Variants in ANK2 observed in about 807,000 individuals in gnomAD.
The protein encoded by ANK2 is ankyrin 2.
A neutral mutation model predicts 360.5 loss-of-function variants in ANK2; 83 were observed. The ratio of observed to expected loss-of-function variants is 0.23; its 90% CI spans 0.19 to 0.28. The LOEUF (loss-of-function observed/expected upper bound fraction) is 0.28. Ranked by LOEUF, ANK2 falls within the 10% of genes least tolerant of loss-of-function variation. The pLI is 1.00. For synonymous variants in ANK2, 1,740 were observed against 1,759.5 expected (o/e 0.99, Z 0.28); for missense variants, 4,201 against 4,795.7 (o/e 0.88, Z 3.66).
the ANK2 span, among the ~76,000 whole-genome samples, chr4:112,781,420 T>G: frequency 6.6e-6 from 1 of 152,148 alleles, no homozygotes; most frequent in Non-Finnish European, 1.5e-5. Context: ...CTTTCCTTAT[T>G]GAATTTCTGA....
At chr4:113,306,851 A>T (rs956488504) in intron 23 of ANK2, among the ~76,000 whole-genome samples, 22 of 152,352 alleles carry the variant, frequency 1.4e-4, no homozygotes, top group South Asian at 8.3e-4. Flanking sequence ...TATAAATAAC[A>T]TCCTTATGGA....
chr4:112,740,694 TC>T, the ANK2 span, among the ~76,000 whole-genome samples: 6 of 150,798 alleles, frequency 4.0e-5, no homozygotes, highest in South Asian at 8.4e-4. Context: ...AGAGCAAGAC[TC>T]CATCTCAAAA....
chr4:112,810,975 G>A, the ANK2 span, among the ~76,000 whole-genome samples: 2 of 136,752 alleles, frequency 1.5e-5, no homozygotes, highest in African/African-American at 2.7e-5. Context: ...TTGCTCTGTC[G>A]CCCAGGCTGG....
chr4:112,832,133 C>A lies in ANK2; in HGVS notation c.-40+13869C>A, dbSNP rs145773609. 5.6e-3 allele frequency among the ~76,000 whole-genome samples: 856 copies of A among 152,350 alleles called. 21 individuals are homozygous for A. The highest frequency in any genetic ancestry group is 0.038 in the Admixed American group (582 of 15,302). On this transcript the variant is annotated intron_variant, in intron 1 of 30. Transcript: ENST00000503271. ...GTGCTACAATCTCAGGCCACTGCAA[C>A]CTCTGACTCCCATGTTCAAGCAATT...
At chr4:112,984,184 A>G (rs2044081979) in intron 2 of ANK2, among the ~76,000 whole-genome samples, 2 of 152,190 alleles carry the variant, frequency 1.3e-5, no homozygotes, top group South Asian at 4.1e-4. Context: ...TATAAAATGG[A>G]AATTAGTATC....
chr4:113,315,388 G>A (rs920743359), intron 24 of ANK2, among the ~76,000 whole-genome samples: 5 of 152,096 alleles, frequency 3.3e-5, no homozygotes, highest in East Asian at 1.9e-4. Context: ...TGGCAGCCAC[G>A]TCACAAGGTT....
chr4:112,809,221 CA>C, the ANK2 span, among the ~76,000 whole-genome samples: 1 of 148,354 alleles, frequency 6.7e-6, no homozygotes, highest in Non-Finnish European at 1.5e-5. Context: ...CAAAACACTT[CA>C]AAAAAACTTC....
intron 1 of ANK2, among the ~76,000 whole-genome samples, chr4:113,060,135 C>T (rs1165995897): frequency 6.6e-6 from 1 of 152,032 alleles, no homozygotes; most frequent in Non-Finnish European, 1.5e-5. Context: ...GAATGACAGT[C>T]AAATAGGGGT....
At chr4:113,125,783 C>A (rs773461059) in intron 1 of ANK2, among the ~76,000 whole-genome samples, 2 of 152,022 alleles carry the variant, frequency 1.3e-5, no homozygotes, top group African/African-American at 2.4e-5. Flanking sequence ...GACAGAGTAC[C>A]TTTACCCAAG....
intron 1 of ANK2, among the ~76,000 whole-genome samples, chr4:113,169,225 A>G (rs891134187): frequency 2.6e-5 from 4 of 152,158 alleles, no homozygotes; most frequent in African/African-American, 9.7e-5. Context: ...AAGTACATTT[A>G]TTTTTTTGAT....
chr4:112,862,991 C>T (rs2068660893), intron 1 of ANK2, among the ~76,000 whole-genome samples: 1 of 151,886 alleles, frequency 6.6e-6, no homozygotes, highest in African/African-American at 2.4e-5. Flanking sequence ...TGTTGTGCAC[C>T]CTTAGTGATG....
the ANK2 span, among the ~76,000 whole-genome samples, chr4:112,768,529 C>T: frequency 1.3e-5 from 2 of 151,950 alleles, no homozygotes; most frequent in African/African-American, 2.4e-5. Context: ...GGTAGGACTA[C>T]AGGCATGAGC....
rs3828556 is a variant in ANK2 at position 113,050,129 on chromosome 4, G to A, written c.84+317G>A. Among the ~76,000 whole-genome samples, 3 of 152,246 alleles carry A rather than the reference G, an allele frequency of 2.0e-5. No homozygotes were observed. In the East Asian group the frequency reaches 5.8e-4, roughly 29 times the overall value. The stretch of plus-strand genomic sequence containing the variant: ...TGGTGTTAACTGGGTAGAGAGAGTC[G>A]TTTTATTTTTAGTGTGTAAAAGGAA... On this transcript the variant is annotated intron_variant, in intron 1 of 45. Transcript: ENST00000357077.
At chr4:113,317,430 A>G (rs2083477400) in intron 24 of ANK2, 1 of 453,852 alleles carries the variant, frequency 2.2e-6, no homozygotes, top group Non-Finnish European at 4.1e-6. Context: ...GCTGGTTTCA[A>G]ACATTTCTGG....
chr4:113,102,946 GA>G, intron 1 of ANK2, among the ~76,000 whole-genome samples: 1 of 152,244 alleles, frequency 6.6e-6, no homozygotes, highest in South Asian at 2.1e-4. Flanking sequence ...GTAACACAGG[GA>G]GGAGGGGAGG....
chr4:113,362,297 C>T (rs2177690), intron 39 of ANK2, among the ~76,000 whole-genome samples: 20 of 151,958 alleles, frequency 1.3e-4, no homozygotes, highest in Middle Eastern at 3.4e-3. Context: ...AGAATTGCTG[C>T]GGAAAAGATA....
chr4:112,767,586 A>AAATAAAT, the ANK2 span, among the ~76,000 whole-genome samples: 3 of 151,460 alleles, frequency 2.0e-5, no homozygotes, highest in African/African-American at 7.3e-5. Flanking sequence ...ATAAATAAAT[A>AAATAAAT]AATAAATAAA....
chr4:113,310,013 G>C (rs543168645), intron 23 of ANK2, among the ~76,000 whole-genome samples: 35 of 152,262 alleles, frequency 2.3e-4, no homozygotes, highest in African/African-American at 7.0e-4. Flanking sequence ...TTCAGATGTA[G>C]AGTCATTCCA....
At chr4:113,234,955 A>T (rs2099359630) in intron 5 of ANK2, among the ~76,000 whole-genome samples, 1 of 152,184 alleles carries the variant, frequency 6.6e-6, no homozygotes, top group Admixed American at 6.5e-5. Flanking sequence ...TTAGAATGAA[A>T]TCTACGTGGT....
Sources: allele counts gnomAD v4.1 joint callset (sites outside exome capture counted in the v4.1 genomes callset), GRCh38; gene constraint gnomAD v4.1.1; transcripts MANE v1.5; gene names NCBI Gene and HGNC (gene_info 2026-07-23, HGNC 2026-07-21).